Variants in HRH3 observed in about 807,000 individuals in gnomAD.
HRH3 encodes histamine receptor H3.
A neutral mutation model predicts 21.6 loss-of-function variants in HRH3; 13 were observed. The ratio of observed to expected loss-of-function variants is 0.60; its 90% CI spans 0.39 to 0.96. The LOEUF is 0.96. HRH3 is among the 40% of genes least tolerant of loss of function. HRH3 has a pLI of 0.00. For missense variants in HRH3, 461 were observed against 622.7 expected (o/e 0.74, Z 2.76); for synonymous variants, 276 against 290.3 (o/e 0.95, Z 0.50).
Position 62,215,879 on chromosome 20 carries a change from A to T in HRH3, c.*127T>A, listed in dbSNP as rs2145886478. On this transcript the variant is annotated 3_prime_UTR_variant, in exon 3 of 3. Coordinates refer to ENST00000340177, the MANE Select transcript of HRH3 (RefSeq NM_007232.3). ...ATGGCAGGGTGGCTGCCGTGGCATT[A>T]AGAGAGGGCCACAGACACGGCGGGG... 1.1e-6 allele frequency: 1 copy of T among 939,626 alleles called. No individual in the cohort carries two copies. The highest frequency in any genetic ancestry group is 1.5e-6 in the Non-Finnish European group (1 of 647,740). The allele number at this position is 939,626 out of a possible 1,614,324, so 58.2% of individuals were successfully genotyped here.
Position 62,216,635 on chromosome 20 carries a change from G to T in HRH3, c.709C>A (p.Arg237=), listed in dbSNP as rs768254171. Residue 237 remains arginine (R), a synonymous_variant, in exon 3 of 3, where the codon CGA becomes AGA. Coordinates refer to ENST00000340177, the MANE Select transcript of HRH3 (RefSeq NM_007232.3). ...GGGGGCTCGGGGCCGGCTGCCTCTC[G>T]AGCCCCATCCAGCCGGAGGCGGGTG... ...RRTRLRLDGA[R]EAAGPEPPPE... The T allele has an allele frequency of 1.2e-6, 2 of 1,612,420 alleles. No individual in the cohort carries two copies. The highest frequency in any genetic ancestry group is 1.1e-5 in the South Asian group (1 of 91,066).
Position 62,219,781 on chromosome 20 carries a change from T to G in HRH3, c.190A>C (p.Ser64Arg). 6.2e-7 allele frequency: 1 copy of G among 1,605,410 alleles called. No individual in the cohort carries two copies. Among genetic ancestry groups the G allele is most frequent in the South Asian group, 1.1e-5 (1 of 89,978 alleles). ...AAGAAGTTGTTCTGGGTGCGGAGGC[T>G]CGAGTCGGCCACGAAGGCGAGCATG... ...LVMLAFVADSSLRTQNNFFLL... is the reference protein window; with the variant it reads ...LVMLAFVADSRLRTQNNFFLL... Residue 64 changes from serine (S) to arginine (R), a missense_variant, in exon 1 of 3, where the codon AGC becomes CGC. Around this residue, in one of 6 missense-constraint regions of HRH3, gnomAD observed 102 missense variants for 155.6 expected, o/e 0.66. Transcript: ENST00000340177. The surrounding 1 kb of genome is among the most constrained non-coding windows in gnomAD (Gnocchi z 8.7).
In HRH3 at chr20:62,219,976, C is replaced by T; in HGVS notation, c.-6G>A. 1 of 1,020,380 alleles carries T rather than the reference C, an allele frequency of 9.8e-7. No individual in the cohort carries two copies. Among genetic ancestry groups the T allele is most frequent in the Non-Finnish European group, 1.2e-6 (1 of 855,526 alleles). The allele number at this position is 1,020,380 out of a possible 1,614,324, so 63.2% of individuals were successfully genotyped here. A position where few individuals can be genotyped will look rare whatever the true frequency, so the allele number is the denominator to read the frequency against. ...TCGGGCGGCGCGCGCTCCATGGCCC[C>T]GCAGGCTCACGCGGCTCCGGGACGC... On this transcript the variant is annotated 5_prime_UTR_variant, in exon 1 of 3. Coordinates refer to ENST00000340177, the MANE Select transcript of HRH3 (RefSeq NM_007232.3). This position sits in a 1 kb window ranked among gnomAD's most constrained non-coding sequence, Gnocchi z 8.7.
At position 62,216,051 on chromosome 20, in the gene HRH3, C is replaced by A. The variant is rs756525497; in HGVS notation, c.1293G>T (p.Lys431Asn). ...GGGAGCTGTGGGGCTGGATTTTGAG[C>A]TTCTGGGGGCAGAGCAGCTTGGTGA... ...RAFTKLLCPQ[K>N]LKIQPHSSLE... Residue 431 changes from lysine to asparagine, a missense_variant, in exon 3 of 3, where the codon AAG becomes AAT. By Grantham distance (94) the Lys-to-Asn change is moderately conservative. Coordinates refer to ENST00000340177, the MANE Select transcript of HRH3 (RefSeq NM_007232.3). 4.4e-6 allele frequency: 7 copies of A among 1,600,578 alleles called. No homozygotes were observed. The highest frequency in any genetic ancestry group is 6.0e-6 in the Non-Finnish European group (7 of 1,174,408).
In HRH3 at chr20:62,218,409, G is replaced by A. The variant is rs1568806614; in HGVS notation, c.417+82C>T. On this transcript the variant is annotated intron_variant, in intron 2 of 2. Transcript: ENST00000340177. This position sits in a 1 kb window ranked among gnomAD's most constrained non-coding sequence, Gnocchi z 5.6. Reference sequence around the variant, plus strand: ...CCACTTCTGCCCACAACTCAGAAGTGGCCGTCCCCACCCAGGTGCCTCCCA... The same window carrying A: ...CCACTTCTGCCCACAACTCAGAAGTAGCCGTCCCCACCCAGGTGCCTCCCA... 2.0e-6 allele frequency: 3 copies of A among 1,466,248 alleles called. No individual in the cohort carries two copies. In the East Asian group the frequency reaches 7.3e-5, roughly 36 times the overall value. 90.8% of individuals were successfully genotyped at this position (1,466,248 alleles called of 1,614,324 possible).
chr20:62,218,638 C>A lies in HRH3; in HGVS notation c.270G>T (p.Leu90=), dbSNP rs1978679476. 1.2e-6 allele frequency: 2 copies of A among 1,611,916 alleles called. No individual in the cohort carries two copies. Among genetic ancestry groups the A allele is most frequent in the Non-Finnish European group, 1.7e-6 (2 of 1,179,836 alleles). Residue 90 remains leucine, a synonymous_variant, in exon 2 of 3, where the codon CTG becomes CTT. Transcript: ENST00000340177. This position sits in a 1 kb window ranked among gnomAD's most constrained non-coding sequence, Gnocchi z 5.6. ...GGCCTGTCAGCACGTAGGGTACATA[C>A]AGTGGGATGCAGAAGGCGCCTGTGG... The part of the protein sequence containing the change: ...DFLVGAFCIP[L]YVPYVLTGRW...
chr20:62,220,046 G>A lies in HRH3; in HGVS notation c.-76C>T, dbSNP rs1459885940. 8 of 981,572 alleles carry A rather than the reference G, an allele frequency of 8.2e-6. No individual in the cohort carries two copies. The African/African-American group carries it at 1.2e-4, about 15-fold the overall frequency. The allele number at this position is 981,572 out of a possible 1,614,324, so 60.8% of individuals were successfully genotyped here. A position where few individuals can be genotyped will look rare whatever the true frequency, so the allele number is the denominator to read the frequency against. The stretch of plus-strand genomic sequence containing the variant: ...GAGCTGGGCGGCCGGGAGGGGCCCC[G>A]GCCCGGGAGCCTCGTCTTTGCGGGC... On this transcript the variant is annotated 5_prime_UTR_variant, in exon 1 of 3. Coordinates refer to ENST00000340177, the MANE Select transcript of HRH3 (RefSeq NM_007232.3).
rs1978498886 is a variant in HRH3, at chr20:62,215,567, G to A, written c.*439C>T. ...GCAGCAAAGGCAGTGTCCTGGGCTTGTCCGGGGAGAGGGACGGTGTGCAGG... is the reference window on the plus strand; with the variant it reads ...GCAGCAAAGGCAGTGTCCTGGGCTTATCCGGGGAGAGGGACGGTGTGCAGG... On this transcript the variant is annotated 3_prime_UTR_variant, in exon 3 of 3. Transcript: ENST00000340177. 1 of 428,826 alleles carries A rather than the reference G, an allele frequency of 2.3e-6. No individual in the cohort carries two copies. Among genetic ancestry groups the A allele is most frequent in the African/African-American group, 2.0e-5 (1 of 49,444 alleles). The allele number at this position is 428,826 out of a possible 1,614,324, so 26.6% of individuals were successfully genotyped here.
intron 2 of HRH3, among the ~76,000 whole-genome samples, chr20:62,217,945 C>G (rs956358015): frequency 7.2e-5 from 11 of 152,308 alleles, no homozygotes; most frequent in African/African-American, 2.6e-4. Context: ...TCATAAAGCC[C>G]TGGGGACGTG....
In HRH3 at chr20:62,219,642, A is replaced by C. The variant is rs1978727673; in HGVS notation, c.250+79T>G. ...GGGCGTGTGCCTGCGGGAGCCACCC[A>C]GGTCCGTGTTCCAGTCCCCGCTGGC... On this transcript the variant is annotated intron_variant, in intron 1 of 2. Transcript: ENST00000340177. This position sits in a 1 kb window ranked among gnomAD's most constrained non-coding sequence, Gnocchi z 8.7. The C allele has an allele frequency of 6.6e-7, 1 of 1,513,518 alleles. No homozygotes were observed. Among genetic ancestry groups the C allele is most frequent in the Non-Finnish European group, 8.9e-7 (1 of 1,129,416 alleles). 93.8% of individuals were successfully genotyped at this position (1,513,518 alleles called of 1,614,324 possible).
At position 62,216,541 on chromosome 20, in the gene HRH3, T is replaced by C. The variant is rs1978566835; in HGVS notation, c.803A>G (p.Glu268Gly). 2.5e-6 allele frequency: 4 copies of C among 1,601,978 alleles called. No individual in the cohort carries two copies. In the East Asian group the frequency reaches 9.0e-5, roughly 36 times the overall value. ...CCCATACCTGTGCAGCGGCATGGCC[T>C]CCCCGTGCCCCTTCTGCCAGCAGCC... The part of the protein sequence containing the change: ...CWGCWQKGHG[E>G]AMPLHRYGVG... The change falls in exon 3 of 3, where the codon GAG becomes GGG. Residue 268 changes from glutamate (E) to glycine (G), a missense_variant. Coordinates refer to ENST00000340177, the MANE Select transcript of HRH3 (RefSeq NM_007232.3).
In HRH3 at chr20:62,218,569, C is replaced by T. The variant is rs200122871; in HGVS notation, c.339G>A (p.Val113=). The T allele has an allele frequency of 3.1e-6, 5 of 1,612,184 alleles. No homozygotes were observed. Among genetic ancestry groups the T allele is most frequent in the African/African-American group, 1.3e-5 (1 of 74,928 alleles). ...GRGLCKLWLV[V]DYLLCTSSAF... is the part of the protein sequence containing the mutation. Reference sequence around the variant, plus strand: ...CAGAGGAGGTGCACAGCAGGTAGTCCACTACCAGCCACAGCTTGCAGAGGC... The same window carrying T: ...CAGAGGAGGTGCACAGCAGGTAGTCTACTACCAGCCACAGCTTGCAGAGGC... The change falls in exon 2 of 3, where the codon GTG becomes GTA. Residue 113 remains valine, a synonymous_variant. Transcript: ENST00000340177. The surrounding 1 kb of genome is among the most constrained non-coding windows in gnomAD (Gnocchi z 5.6).
In HRH3 at chr20:62,219,848, C is replaced by T; in HGVS notation, c.123G>A (p.Met41Ile). ...GCACCGTGGCCACGATGAGCAGCGC[C>T]ATGAGCGCGGCCAGCACCGCGGTCC... Reference protein sequence around the residue: ...AAWTAVLAALMALLIVATVLG... With the variant: ...AAWTAVLAALIALLIVATVLG... Residue 41 changes from methionine (M) to isoleucine (I), a missense_variant, in exon 1 of 3, where the codon ATG becomes ATA. Physicochemically the swap from Met to Ile is conservative, Grantham distance 10. This residue lies in a region of HRH3 where 102 missense variants were observed against 155.6 expected (regional missense o/e 0.66). Transcript: ENST00000340177. The surrounding 1 kb of genome is among the most constrained non-coding windows in gnomAD (Gnocchi z 8.7). 17 of 1,565,218 alleles carry T rather than the reference C, an allele frequency of 1.1e-5. No individual in the cohort carries two copies. Among genetic ancestry groups the T allele is most frequent in the Non-Finnish European group, 1.5e-5 (17 of 1,159,314 alleles).
rs750034157 is a variant in HRH3 at position 62,218,491 on chromosome 20, C to G, written c.417G>C (p.Ala139=). Residue 139 remains alanine, a splice_region_variant and synonymous_variant, in exon 2 of 3, where the codon GCG becomes GCC. Transcript: ENST00000340177. The surrounding 1 kb of genome is among the most constrained non-coding windows in gnomAD (Gnocchi z 5.6). The part of the protein sequence containing the change: ...SYDRFLSVTR[A]VSYRAQQGDT... ...AGGAGCTCCGCAGCCCAGGACTCAC[C>G]GCTCGGGTGACCGACAGGAAGCGGT... 6.2e-7 allele frequency: 1 copy of G among 1,610,854 alleles called. No homozygotes were observed. Among genetic ancestry groups the G allele is most frequent in the Non-Finnish European group, 8.5e-7 (1 of 1,179,710 alleles).
Position 62,215,682 on chromosome 20 carries a change from A to C in HRH3, c.*324T>G. The stretch of plus-strand genomic sequence containing the variant: ...GCACACCCAGGTGCTTGCTTTGGGA[A>C]GAACACCAACCAGTAACTGCGAAGG... On this transcript the variant is annotated 3_prime_UTR_variant, in exon 3 of 3. Coordinates refer to ENST00000340177, the MANE Select transcript of HRH3 (RefSeq NM_007232.3). The C allele has an allele frequency of 2.3e-6, 1 of 434,686 alleles. No individual in the cohort carries two copies. The highest frequency in any genetic ancestry group is 4.3e-6 in the Non-Finnish European group (1 of 232,144). 26.9% of individuals were successfully genotyped at this position (434,686 alleles called of 1,614,324 possible). A position where few individuals can be genotyped will look rare whatever the true frequency, so the allele number is the denominator to read the frequency against.
Position 62,215,759 on chromosome 20 carries a change from TCC to T in HRH3, c.*245_*246del. 1 of 556,704 alleles carries T rather than the reference TCC, an allele frequency of 1.8e-6. No individual in the cohort carries two copies. The highest frequency in any genetic ancestry group is 2.2e-5 in the South Asian group (1 of 45,430). The allele number at this position is 556,704 out of a possible 1,614,324, so 34.5% of individuals were successfully genotyped here. ...ATGTCTGGGACCTCCAGACTGTCCC[TCC>T]CGGTGGAGCCAGAATGTGGGGGGCA... On this transcript the variant is annotated 3_prime_UTR_variant, in exon 3 of 3. Transcript: ENST00000340177.
chr20:62,215,782 G>C lies in HRH3; in HGVS notation c.*224C>G. On this transcript the variant is annotated 3_prime_UTR_variant, in exon 3 of 3. Coordinates refer to ENST00000340177, the MANE Select transcript of HRH3 (RefSeq NM_007232.3). ...CCTCCCGGTGGAGCCAGAATGTGGG[G>C]GGCAGGGCCGGCCACCCAGCCTCCA... 1.7e-6 allele frequency: 1 copy of C among 577,540 alleles called. No homozygotes were observed. Among genetic ancestry groups the C allele is most frequent in the Admixed American group, 3.0e-5 (1 of 32,980 alleles). The allele number at this position is 577,540 out of a possible 1,614,324, so 35.8% of individuals were successfully genotyped here.
rs748030505 is a variant in HRH3 at position 62,216,219 on chromosome 20, C to T, written c.1125G>A (p.Thr375=). 7.4e-6 allele frequency: 12 copies of T among 1,613,012 alleles called. No individual in the cohort carries two copies. The highest frequency in any genetic ancestry group is 3.3e-5 in the Admixed American group (2 of 60,020). The change falls in exon 3 of 3, where the codon ACG becomes ACA. Residue 375 remains threonine (T), a synonymous_variant. Transcript: ENST00000340177. The part of the protein sequence containing the change: ...SIFGLCWAPY[T]LLMIIRAACH... ...AGGCGGCCCGGATGATCATCAGCAG[C>T]GTGTATGGGGCCCAGCAGAGCCCAA...
In HRH3 at chr20:62,218,031, G is replaced by A. The variant is rs116968096; in HGVS notation, c.417+460C>T. On this transcript the variant is annotated intron_variant, in intron 2 of 2. Coordinates refer to ENST00000340177, the MANE Select transcript of HRH3 (RefSeq NM_007232.3). This position sits in a 1 kb window ranked among gnomAD's most constrained non-coding sequence, Gnocchi z 5.6. The stretch of plus-strand genomic sequence containing the variant: ...TGGGCTGCATGGCCCCGATGCGGGA[G>A]CCTGGGTGGGGCAGGGTCCCTGACT... 5.6e-3 allele frequency among the ~76,000 whole-genome samples: 852 copies of A among 152,312 alleles called. 3 individuals carry two copies. Among genetic ancestry groups the A allele is most frequent in the Non-Finnish European group, 0.01 (698 of 68,018 alleles).
Sources: allele counts gnomAD v4.1 joint callset (sites outside exome capture counted in the v4.1 genomes callset), GRCh38; gene constraint gnomAD v4.1.1; regional missense constraint gnomAD v4.1.1; non-coding constraint Gnocchi (gnomAD v3.1); transcripts MANE v1.5; gene names NCBI Gene and HGNC (gene_info 2026-07-23, HGNC 2026-07-21).